ZDHHC20: variants seen among roughly 807,000 people sequenced by gnomAD.
ZDHHC20 encodes palmitoyltransferase ZDHHC20.
In ZDHHC20, 43 loss-of-function variants were observed where a neutral mutation model predicts 57.8. The observed-to-expected ratio is 0.74, with a 90% confidence interval of 0.58 to 0.96. ZDHHC20 has a LOEUF of 0.96. Among genes scored for constraint, ZDHHC20 ranks in the 40% least tolerant of loss-of-function variants. The pLI is 0.00. For missense variants in ZDHHC20, 391 were observed against 441.1 expected (o/e 0.89, Z 1.02); for synonymous variants, 157 against 153.0 (o/e 1.03, Z -0.19).
chr13:21,401,151 T>C (rs753223418), intron 6 of ZDHHC20, among the ~76,000 whole-genome samples: 20 of 151,850 alleles, frequency 1.3e-4, no homozygotes, highest in Non-Finnish European at 2.4e-4. Flanking sequence ...TGGTGGTGCA[T>C]GCCTGCAGTC....
At chr13:21,431,242 G>C (rs73441510) in intron 1 of ZDHHC20, among the ~76,000 whole-genome samples, 1 of 152,126 alleles carries the variant, frequency 6.6e-6, no homozygotes, top group Non-Finnish European at 1.5e-5. Context: ...AGGCAAAAAG[G>C]CACTTTTTAC....
intron 1 of ZDHHC20, among the ~76,000 whole-genome samples, chr13:21,437,326 G>T (rs916257320): frequency 7.2e-5 from 11 of 152,334 alleles, no homozygotes; most frequent in South Asian, 6.2e-4. Flanking sequence ...TGAGATAATT[G>T]ATGAAGGTAG....
chr13:21,428,687 C>T (rs911525641), intron 1 of ZDHHC20, among the ~76,000 whole-genome samples: 3 of 151,312 alleles, frequency 2.0e-5, no homozygotes, highest in Non-Finnish European at 4.4e-5. Flanking sequence ...GGTGAAACCC[C>T]ATCTCTACTA....
chr13:21,432,980 A>G (rs369083048), intron 1 of ZDHHC20, among the ~76,000 whole-genome samples: 1 of 152,234 alleles, frequency 6.6e-6, no homozygotes, highest in Non-Finnish European at 1.5e-5. Context: ...CCACTGGTCT[A>G]TATGTCCATT....
intron 9 of ZDHHC20, among the ~76,000 whole-genome samples, chr13:21,384,763 A>C (rs1219991748): frequency 6.6e-6 from 1 of 152,192 alleles, no homozygotes; most frequent in Non-Finnish European, 1.5e-5. Context: ...GCGCTAAACT[A>C]GCACTACAGA....
chr13:21,393,355 G>A (rs1876121661), intron 7 of ZDHHC20, among the ~76,000 whole-genome samples: 1 of 151,738 alleles, frequency 6.6e-6, no homozygotes, highest in South Asian at 2.1e-4. Flanking sequence ...GCAAAAATTA[G>A]CCGGGCATGG....
At chr13:21,426,979 T>C (rs1881339261) in intron 1 of ZDHHC20, among the ~76,000 whole-genome samples, 1 of 152,160 alleles carries the variant, frequency 6.6e-6, no homozygotes, top group African/African-American at 2.4e-5. Context: ...GTTTCCCAAA[T>C]GCATCAAGCT....
intron 3 of ZDHHC20, among the ~76,000 whole-genome samples, chr13:21,415,105 G>A (rs1378537270): frequency 1.3e-5 from 2 of 152,168 alleles, no homozygotes; most frequent in African/African-American, 4.8e-5. Flanking sequence ...AATGGTATTA[G>A]CTTAACAACA....
At chr13:21,394,492 C>T (rs756576149) in intron 7 of ZDHHC20, among the ~76,000 whole-genome samples, 8 of 152,026 alleles carry the variant, frequency 5.3e-5, no homozygotes, top group Non-Finnish European at 7.3e-5. Flanking sequence ...GAACTCTGCC[C>T]GTTTTTTCAG....
At chr13:21,383,044 G>A in intron 9 of ZDHHC20, 35 bp from the exon 10 acceptor site, 1 of 1,515,872 alleles carries the variant, frequency 6.6e-7, no homozygotes, top group Non-Finnish European at 9.0e-7. Flanking sequence ...TTTAAATAAT[G>A]TTAAGTTAAA....
intron 1 of ZDHHC20, among the ~76,000 whole-genome samples, chr13:21,445,313 T>C (rs1219421245): frequency 6.6e-6 from 1 of 152,146 alleles, no homozygotes; most frequent in Non-Finnish European, 1.5e-5. Flanking sequence ...TATGTATCAA[T>C]TGTATGGCCT....
chr13:21,402,792 CT>C lies in ZDHHC20; in HGVS notation c.440+4del. On this transcript the variant is annotated splice_donor_region_variant and intron_variant, in intron 5 of 12. Coordinates refer to ENST00000400590, the MANE Select transcript of ZDHHC20 (RefSeq NM_001330059.2). ...ATATTAAGCATATGTGTGAGTAACA[CT>C]TACGAGTCACAGGCTGAGCAGTGAT... 1 of 1,593,690 alleles carries C rather than the reference CT, an allele frequency of 6.3e-7. No individual in the cohort carries two copies. The highest frequency in any genetic ancestry group is 1.1e-5 in the South Asian group (1 of 87,256).
chr13:21,439,025 T>C (rs914772413), intron 1 of ZDHHC20, among the ~76,000 whole-genome samples: 3 of 152,184 alleles, frequency 2.0e-5, no homozygotes, highest in Admixed American at 2.0e-4. Flanking sequence ...CAGTATAGGG[T>C]GAACGTAACT....
Position 21,440,068 on chromosome 13 carries a change from G to GAAA in ZDHHC20, c.119-14393_119-14391dup, listed in dbSNP as rs376263181. On this transcript the variant is annotated intron_variant, in intron 1 of 12. Transcript: ENST00000400590. Reference sequence around the variant, plus strand: ...GGCGACAGAGTAAGACTGTTTCTCAGAAAAAAAAAAAAAAAAAAAAAAAAA... The same window carrying GAAA: ...GGCGACAGAGTAAGACTGTTTCTCAGAAAAAAAAAAAAAAAAAAAAAAAAAAAA... Among the ~76,000 whole-genome samples, 115 of 89,776 alleles carry GAAA rather than the reference G, an allele frequency of 1.3e-3. 6 individuals are homozygous for GAAA. The highest frequency in any genetic ancestry group is 4.7e-3 in the African/African-American group (102 of 21,852). 58.9% of individuals were successfully genotyped at this position (89,776 alleles called of 152,430 possible).
rs1209409632 is a variant in ZDHHC20 at position 21,372,956 on chromosome 13, A to G, written c.*3740T>C. ...GCTTCTTTATGCAACCTAACAAAAT[A>G]ATATAGAATGAAGTCATTAGAAAAA... On this transcript the variant is annotated 3_prime_UTR_variant, in exon 13 of 13. Transcript: ENST00000400590. The G allele has an allele frequency of 2.6e-5, 4 of 152,206 alleles. No homozygotes were observed. The highest frequency in any genetic ancestry group is 9.6e-5 in the African/African-American group (4 of 41,460). 9.4% of individuals were successfully genotyped at this position (152,206 alleles called of 1,614,324 possible).
At chr13:21,428,466 G>A (rs1324790459) in intron 1 of ZDHHC20, among the ~76,000 whole-genome samples, 1 of 151,612 alleles carries the variant, frequency 6.6e-6, no homozygotes, top group African/African-American at 2.4e-5. Flanking sequence ...TGATCCACCT[G>A]CCTTGGACTC....
chr13:21,455,672 G>C lies in ZDHHC20; in HGVS notation c.118+3382C>G, dbSNP rs180957675. Among the ~76,000 whole-genome samples the C allele has an allele frequency of 8.0e-4, 109 of 136,926 alleles. 1 individual carries two copies. The East Asian group carries it at 0.02, about 26-fold the overall frequency. 89.8% of individuals were successfully genotyped at this position (136,926 alleles called of 152,430 possible). ...TGTGTGTGTGTGTGTGTGTGTGTGT[G>C]TCTAATTACACAATTAGCAAGTTAC... is the stretch of plus-strand genomic sequence containing the variant. On this transcript the variant is annotated intron_variant, in intron 1 of 12. Coordinates refer to ENST00000400590, the MANE Select transcript of ZDHHC20 (RefSeq NM_001330059.2).
rs145009245 is a variant in ZDHHC20 at position 21,449,713 on chromosome 13, C to T, written c.118+9341G>A. On this transcript the variant is annotated intron_variant, in intron 1 of 12. Coordinates refer to ENST00000400590, the MANE Select transcript of ZDHHC20 (RefSeq NM_001330059.2). ...AGGCTGGAGAGCAGTGACATGATCT[C>T]AGCTCACTGCAACCTCTGCCTCCAG... 3.1e-3 allele frequency among the ~76,000 whole-genome samples: 465 copies of T among 151,688 alleles called. 2 individuals are homozygous for T. Among genetic ancestry groups the T allele is most frequent in the African/African-American group, 0.011 (438 of 41,324 alleles).
At chr13:21,380,752 A>G (rs374141043) in intron 11 of ZDHHC20, among the ~76,000 whole-genome samples, 237 of 151,360 alleles carry the variant, frequency 1.6e-3, no homozygotes, top group South Asian at 7.1e-3. Context: ...AGATCGTGCC[A>G]CTGCACTCTA....
Sources: gnomAD v4.1 joint callset for allele counts (sites outside exome capture counted in the v4.1 genomes callset) on GRCh38, gnomAD v4.1.1 for gene constraint, MANE v1.5 for transcripts, NCBI Gene and HGNC (gene_info 2026-07-23, HGNC 2026-07-21) for gene names.